The following SLC24A4 variants were observed in gnomAD, a reference collection of about 807,000 sequenced individuals.
SLC24A4 encodes the protein sodium/potassium/calcium exchanger 4.
In SLC24A4, 53 loss-of-function variants were observed where a neutral mutation model predicts 79.0. The observed-to-expected ratio is 0.67, with a 90% CI of 0.54 to 0.84. SLC24A4 has a LOEUF of 0.84. Ranked by LOEUF, SLC24A4 falls within the 40% of genes least tolerant of loss-of-function variation. The pLI is 0.00. For missense variants in SLC24A4, 731 were observed against 822.0 expected (o/e 0.89, Z 1.35); for synonymous variants, 323 against 323.8 (o/e 1.00, Z 0.03).
intron 2 of SLC24A4, among the ~76,000 whole-genome samples, chr14:92,426,158 G>T (rs367890248): frequency 6.6e-6 from 1 of 152,156 alleles, no homozygotes; most frequent in Admixed American, 6.5e-5. Context: ...AGTCTGTTTA[G>T]TGTTACTAAA....
intron 12 of SLC24A4, among the ~76,000 whole-genome samples, chr14:92,478,855 TA>T (rs1249776861): frequency 6.6e-6 from 1 of 152,210 alleles, no homozygotes; most frequent in Non-Finnish European, 1.5e-5. Flanking sequence ...CTCATTTATT[TA>T]GGTCTTCTTT....
chr14:92,464,398 G>A (rs1483216887), intron 12 of SLC24A4, among the ~76,000 whole-genome samples: 4 of 152,272 alleles, frequency 2.6e-5, no homozygotes, highest in African/African-American at 9.6e-5. Context: ...TGCTGGGAGT[G>A]GGGAGATAAA....
chr14:92,454,088 C>A lies in SLC24A4; in HGVS notation c.1050+19C>A. On this transcript the variant is annotated intron_variant, in intron 11 of 16. Transcript: ENST00000532405. Reference sequence around the variant, plus strand: ...TAATGAGGTGAGTTTGCTTGAAGGACCATAAAAGTGAGCAGCCTTGGATGC... The same window carrying A: ...TAATGAGGTGAGTTTGCTTGAAGGAACATAAAAGTGAGCAGCCTTGGATGC... The A allele has an allele frequency of 6.2e-7, 1 of 1,608,488 alleles. No homozygotes were observed. The highest frequency in any genetic ancestry group is 8.5e-7 in the Non-Finnish European group (1 of 1,177,320).
chr14:92,458,765 C>A (rs564105746), intron 12 of SLC24A4, among the ~76,000 whole-genome samples: 49 of 152,306 alleles, frequency 3.2e-4, no homozygotes, highest in Admixed American at 7.2e-4. Context: ...AGCTCACTTT[C>A]CCTCCTGTGT....
chr14:92,360,486 A>G (rs998701449), intron 2 of SLC24A4, among the ~76,000 whole-genome samples: 1 of 152,232 alleles, frequency 6.6e-6, no homozygotes, highest in African/African-American at 2.4e-5. Context: ...TATTTCATAC[A>G]GTGGGATACT....
chr14:92,388,939 C>T (rs1414604886), intron 2 of SLC24A4, among the ~76,000 whole-genome samples: 1 of 152,060 alleles, frequency 6.6e-6, no homozygotes, highest in African/African-American at 2.4e-5. Flanking sequence ...CCAGACTTTG[C>T]GTTGAGTTTG....
rs1218164279 is a variant in SLC24A4, at chr14:92,495,079, C to A, written c.*1451C>A. ...TGCACGGATGAATGTATGGGAACTA[C>A]CCATGATGATGTAAGAGGAAAGAAC... On this transcript the variant is annotated 3_prime_UTR_variant, in exon 17 of 17. Transcript: ENST00000532405. The A allele has an allele frequency of 6.6e-6, 1 of 152,560 alleles. No homozygotes were observed. The highest frequency in any genetic ancestry group is 2.4e-5 in the African/African-American group (1 of 41,514). 9.5% of individuals were successfully genotyped at this position (152,560 alleles called of 1,614,324 possible).
intron 12 of SLC24A4, among the ~76,000 whole-genome samples, chr14:92,477,256 C>T (rs1894816661): frequency 6.6e-6 from 1 of 152,114 alleles, no homozygotes; most frequent in Admixed American, 6.5e-5. Context: ...ATTACATTTT[C>T]CTAATGACCA....
At chr14:92,400,856 G>A (rs1341472319) in intron 2 of SLC24A4, among the ~76,000 whole-genome samples, 3 of 152,172 alleles carry the variant, frequency 2.0e-5, no homozygotes, top group African/African-American at 7.2e-5. Flanking sequence ...AAGATAGAAA[G>A]AGCTTTTGTC....
chr14:92,334,792 T>G (rs1388517866), intron 2 of SLC24A4, among the ~76,000 whole-genome samples: 1 of 152,140 alleles, frequency 6.6e-6, no homozygotes, highest in Non-Finnish European at 1.5e-5. Context: ...TCTTCTTACC[T>G]GTCTCACAGT....
intron 2 of SLC24A4, among the ~76,000 whole-genome samples, chr14:92,335,137 A>T (rs1434834160): frequency 1.3e-5 from 2 of 152,196 alleles, no homozygotes; most frequent in Non-Finnish European, 2.9e-5. Context: ...TTTTTAGAGC[A>T]GTTGTGGGTT....
At chr14:92,459,538 C>T (rs1351527304) in intron 12 of SLC24A4, among the ~76,000 whole-genome samples, 1 of 152,164 alleles carries the variant, frequency 6.6e-6, no homozygotes, top group Non-Finnish European at 1.5e-5. Flanking sequence ...ATGCCTGAGC[C>T]AAGTTCCACA....
chr14:92,465,653 C>T (rs1011941993), intron 12 of SLC24A4, among the ~76,000 whole-genome samples: 1 of 152,140 alleles, frequency 6.6e-6, no homozygotes, highest in Non-Finnish European at 1.5e-5. Context: ...GCAGCTGCTT[C>T]AGCGAGGAAG....
intron 2 of SLC24A4, among the ~76,000 whole-genome samples, chr14:92,417,630 C>T (rs1891052062): frequency 6.6e-6 from 1 of 152,226 alleles, no homozygotes; most frequent in Non-Finnish European, 1.5e-5. Context: ...CTTGCTCACC[C>T]AGAGCAACAT....
chr14:92,354,993 G>A (rs1224418060), intron 2 of SLC24A4, among the ~76,000 whole-genome samples: 1 of 152,218 alleles, frequency 6.6e-6, no homozygotes, highest in East Asian at 1.9e-4. Flanking sequence ...AGAATCGCTT[G>A]AACCCAGGAG....
At chr14:92,475,564 C>T (rs943146148) in intron 12 of SLC24A4, among the ~76,000 whole-genome samples, 4 of 152,276 alleles carry the variant, frequency 2.6e-5, no homozygotes, top group East Asian at 1.9e-4. Flanking sequence ...GCGGGGTTAA[C>T]GGCTTTTCAG....
chr14:92,356,496 AC>A (rs1221470456), intron 2 of SLC24A4, among the ~76,000 whole-genome samples: 1 of 152,038 alleles, frequency 6.6e-6, no homozygotes, highest in Admixed American at 6.6e-5. Flanking sequence ...CTGAATTTGA[AC>A]CCTGGATCTA....
chr14:92,393,103 C>T (rs1044784308), intron 2 of SLC24A4, among the ~76,000 whole-genome samples: 3 of 152,232 alleles, frequency 2.0e-5, no homozygotes, highest in African/African-American at 4.8e-5. Context: ...ACATAGGAGG[C>T]GTCATCTATG....
At chr14:92,346,741 A>G (rs747910562) in intron 2 of SLC24A4, among the ~76,000 whole-genome samples, 1 of 152,176 alleles carries the variant, frequency 6.6e-6, no homozygotes, top group Non-Finnish European at 1.5e-5. Context: ...CAACTTTTAA[A>G]AATGCTGATA....
Sources: allele counts gnomAD v4.1 joint callset (sites outside exome capture counted in the v4.1 genomes callset), GRCh38; gene constraint gnomAD v4.1.1; transcripts MANE v1.5; gene names NCBI Gene and HGNC (gene_info 2026-07-23, HGNC 2026-07-21).